The following TMED3 variants were observed in gnomAD, a reference collection of about 807,000 sequenced individuals.
The protein encoded by TMED3 is transmembrane p24 trafficking protein 3.
In TMED3, 9 loss-of-function variants were observed where a neutral mutation model predicts 15.0. The observed-to-expected ratio is 0.60, with a 90% CI of 0.36 to 1.04. The LOEUF is 1.04. Among genes scored for constraint, TMED3 ranks in the 50% least tolerant of loss-of-function variants. The pLI, the probability that TMED3 is intolerant of heterozygous loss-of-function variation, is 0.01. For missense variants in TMED3, 267 were observed against 278.9 expected (o/e 0.96, Z 0.30); for synonymous variants, 117 against 121.4 (o/e 0.96, Z 0.24).
chr15:79,316,941 G>A (rs1379045803), intron 2 of TMED3, among the ~76,000 whole-genome samples: 1 of 152,180 alleles, frequency 6.6e-6, no homozygotes, highest in East Asian at 1.9e-4. Context: ...AGCACTAACT[G>A]AAGATCTCAG....
intron 2 of TMED3, among the ~76,000 whole-genome samples, chr15:79,382,475 A>G (rs1442735137): frequency 1.3e-5 from 2 of 152,240 alleles, no homozygotes; most frequent in African/African-American, 2.4e-5. Context: ...CATGAGCCCA[A>G]TGCCAGAATG....
At chr15:79,314,727 C>T (rs1364166810) in intron 2 of TMED3, 3 of 323,226 alleles carry the variant, frequency 9.3e-6, no homozygotes, top group Non-Finnish European at 1.9e-5. Context: ...AACAGCTCCA[C>T]ACTATGGAGG....
At chr15:79,393,869 A>G (rs956794847) in intron 2 of TMED3, among the ~76,000 whole-genome samples, 1 of 151,968 alleles carries the variant, frequency 6.6e-6, no homozygotes, top group African/African-American at 2.4e-5. Context: ...CTAATTTTTT[A>G]AATTTTTTGT....
intron 2 of TMED3, among the ~76,000 whole-genome samples, chr15:79,348,546 A>G (rs2058879612): frequency 6.6e-6 from 1 of 152,216 alleles, no homozygotes; most frequent in Non-Finnish European, 1.5e-5. Flanking sequence ...ATTACTAAAA[A>G]TTAGATAGTG....
At chr15:79,386,325 T>A (rs1235834396) in intron 2 of TMED3, among the ~76,000 whole-genome samples, 2 of 152,192 alleles carry the variant, frequency 1.3e-5, no homozygotes, top group Non-Finnish European at 2.9e-5. Flanking sequence ...TAACTTGTAT[T>A]CACTCTCTGC....
rs34231915 is a variant in TMED3, at chr15:79,357,324, G to GAA, written c.417+43330_417+43331dup. 1.9e-3 allele frequency among the ~76,000 whole-genome samples: 270 copies of GAA among 144,190 alleles called. 3 individuals carry two copies. The highest frequency in any genetic ancestry group is 6.4e-3 in the African/African-American group (252 of 39,394). The allele number at this position is 144,190 out of a possible 152,430, so 94.6% of individuals were successfully genotyped here. On this transcript the variant is annotated intron_variant, in intron 2 of 2. Transcript: ENST00000424155. ...ACATAGTGAGACTCCCATTTCTACA[G>GAA]AAAAAAAAAAAATTGCCAAGCATGG... is the stretch of plus-strand genomic sequence containing the variant.
intron 2 of TMED3, among the ~76,000 whole-genome samples, chr15:79,353,160 T>C (rs60944404): frequency 3.9e-5 from 2 of 51,388 alleles, no homozygotes; most frequent in African/African-American, 1.9e-4. Flanking sequence ...AAAATATATA[T>C]AAATATATAT....
chr15:79,391,480 T>G (rs1369621483), intron 2 of TMED3, among the ~76,000 whole-genome samples: 1 of 152,242 alleles, frequency 6.6e-6, no homozygotes, highest in Non-Finnish European at 1.5e-5. Context: ...AGGCTCGTTT[T>G]GTGGCCTATC....
chr15:79,386,704 A>ATTTTTTT (rs35828266), intron 2 of TMED3, among the ~76,000 whole-genome samples: 1 of 125,182 alleles, frequency 8.0e-6, no homozygotes, highest in Non-Finnish European at 1.6e-5. Flanking sequence ...ATGCCTGGCT[A>ATTTTTTT]TTTTTTTTTT....
intron 2 of TMED3, among the ~76,000 whole-genome samples, chr15:79,370,218 T>C (rs1567034616): frequency 6.6e-6 from 1 of 151,010 alleles, no homozygotes; most frequent in African/African-American, 2.4e-5. Context: ...AGCTCTCAAG[T>C]AGCTGGGATT....
chr15:79,399,862 G>A (rs910874285), intron 2 of TMED3, among the ~76,000 whole-genome samples: 1 of 152,186 alleles, frequency 6.6e-6, no homozygotes, highest in Non-Finnish European at 1.5e-5. Context: ...CAGCTAGACT[G>A]GTACATGCTT....
chr15:79,386,679 C>T (rs1389447372), intron 2 of TMED3, among the ~76,000 whole-genome samples: 1 of 149,916 alleles, frequency 6.7e-6, no homozygotes, highest in Non-Finnish European at 1.5e-5. Flanking sequence ...GCTGGGATTA[C>T]AGGTGTGGGC....
chr15:79,343,982 G>A (rs950882169), intron 2 of TMED3, among the ~76,000 whole-genome samples: 4 of 152,162 alleles, frequency 2.6e-5, no homozygotes, highest in African/African-American at 9.7e-5. Flanking sequence ...TCAGAGTGTA[G>A]GTTGGGCTGG....
chr15:79,403,105 C>G (rs1893856090), intron 2 of TMED3, among the ~76,000 whole-genome samples: 1 of 150,966 alleles, frequency 6.6e-6, no homozygotes, highest in South Asian at 2.1e-4. Flanking sequence ...GCCTGTAATC[C>G]CAGCTACTTG....
intron 2 of TMED3, among the ~76,000 whole-genome samples, chr15:79,393,849 C>G (rs1893728023): frequency 6.6e-6 from 1 of 152,134 alleles, no homozygotes; most frequent in African/African-American, 2.4e-5. Flanking sequence ...GTGCATGCCA[C>G]CTTGCCCAAC....
At position 79,345,290 on chromosome 15, in the gene TMED3, C is replaced by T. The variant is rs149505352; in HGVS notation, c.417+31285C>T. 1.3e-3 allele frequency among the ~76,000 whole-genome samples: 199 copies of T among 152,176 alleles called. 1 individual carries two copies. Among genetic ancestry groups the T allele is most frequent in the African/African-American group, 4.5e-3 (186 of 41,522 alleles). On this transcript the variant is annotated intron_variant, in intron 2 of 2. Coordinates refer to the TMED3 transcript ENST00000424155. ...TACCCATTAGTTATTTTTCCTGATCCTCTCCCTTCCCACCCTTCACCCTCT... is the reference window on the plus strand; with the variant it reads ...TACCCATTAGTTATTTTTCCTGATCTTCTCCCTTCCCACCCTTCACCCTCT...
At chr15:79,370,485 C>A (rs535041135) in intron 2 of TMED3, among the ~76,000 whole-genome samples, 25 of 152,146 alleles carry the variant, frequency 1.6e-4, no homozygotes, top group African/African-American at 6.0e-4. Flanking sequence ...CCTTTTGCTT[C>A]CCCGGTCACA....
intron 2 of TMED3, among the ~76,000 whole-genome samples, chr15:79,360,983 C>A (rs1264464587): frequency 9.0e-6 from 1 of 111,356 alleles, no homozygotes; most frequent in Non-Finnish European, 1.9e-5. Flanking sequence ...CAAGCAGTTA[C>A]AACTACAAGT....
chr15:79,381,009 A>G (rs1419301873), intron 2 of TMED3, among the ~76,000 whole-genome samples: 1 of 152,192 alleles, frequency 6.6e-6, no homozygotes, highest in Non-Finnish European at 1.5e-5. Context: ...GCCATTTTAA[A>G]GAGAAGATGG....
Sources: gnomAD v4.1 joint callset for allele counts (sites outside exome capture counted in the v4.1 genomes callset) on GRCh38, gnomAD v4.1.1 for gene constraint, MANE v1.5 for transcripts, NCBI Gene and HGNC (gene_info 2026-07-23, HGNC 2026-07-21) for gene names.